Variants in SLC24A2 observed in about 807,000 individuals in gnomAD.
SLC24A2 encodes the protein sodium/potassium/calcium exchanger 2.
Under a neutral mutation model 62.0 loss-of-function variants are expected in SLC24A2, and 36 were observed. The ratio of observed to expected loss-of-function variants is 0.58; its 90% CI spans 0.44 to 0.77. The LOEUF is 0.77. Among genes scored for constraint, SLC24A2 ranks in the 30% least tolerant of loss-of-function variants. SLC24A2 has a pLI of 0.00. For synonymous variants in SLC24A2, 358 were observed against 294.0 expected (o/e 1.22, Z -2.23); for missense variants, 846 against 817.9 (o/e 1.03, Z -0.42).
At chr9:20,055,593 C>A in the SLC24A2 span, among the ~76,000 whole-genome samples, 4 of 151,978 alleles carry the variant, frequency 2.6e-5, no homozygotes, top group African/African-American at 9.6e-5. Context: ...AGGATTTGAA[C>A]TTAGACATAC....
the SLC24A2 span, among the ~76,000 whole-genome samples, chr9:19,853,273 T>A: frequency 3.3e-5 from 5 of 152,196 alleles, no homozygotes; most frequent in African/African-American, 1.2e-4. Flanking sequence ...TTTGACTTTC[T>A]CTCTTCTTAT....
intron 1 of SLC24A2, 45 bp from the exon 2 acceptor site, chr9:19,787,064 G>T: frequency 7.5e-7 from 1 of 1,325,776 alleles, no homozygotes; most frequent in Non-Finnish European, 9.8e-7. Context: ...ATAAAATCAC[G>T]TCTTTTTAAT....
At chr9:19,567,729 C>G (rs1835715288) in intron 7 of SLC24A2, among the ~76,000 whole-genome samples, 1 of 149,966 alleles carries the variant, frequency 6.7e-6, no homozygotes, top group African/African-American at 2.5e-5. Context: ...GATAAATTCT[C>G]AGTGGCATCC....
chr9:19,767,225 T>G (rs1822543606), intron 2 of SLC24A2, among the ~76,000 whole-genome samples: 1 of 152,226 alleles, frequency 6.6e-6, no homozygotes, highest in Admixed American at 6.5e-5. Context: ...CTTAGCTTGC[T>G]GGGTTCCATG....
At chr9:19,580,010 C>T (rs959032205) in intron 5 of SLC24A2, among the ~76,000 whole-genome samples, 5 of 152,228 alleles carry the variant, frequency 3.3e-5, no homozygotes, top group African/African-American at 1.2e-4. Flanking sequence ...AAATATCTTA[C>T]AGGCCAGTGA....
chr9:20,185,120 A>G, the SLC24A2 span, among the ~76,000 whole-genome samples: 1 of 152,130 alleles, frequency 6.6e-6, no homozygotes, highest in Non-Finnish European at 1.5e-5. Context: ...TGTTGGTCAA[A>G]GGATACAAAA....
chr9:20,203,456 G>A, the SLC24A2 span, among the ~76,000 whole-genome samples: 1 of 152,150 alleles, frequency 6.6e-6, no homozygotes, highest in East Asian at 1.9e-4. Context: ...GGTGAACTCA[G>A]GCAAGCCGCT....
chr9:19,867,152 G>A, the SLC24A2 span, among the ~76,000 whole-genome samples: 2 of 152,006 alleles, frequency 1.3e-5, no homozygotes, highest in African/African-American at 4.8e-5. Flanking sequence ...TGCATTGCAT[G>A]CCTGTATCAA....
the SLC24A2 span, among the ~76,000 whole-genome samples, chr9:19,809,555 T>C: frequency 2.0e-5 from 3 of 152,134 alleles, no homozygotes; most frequent in Non-Finnish European, 2.9e-5. Context: ...AAAATCGAGC[T>C]GCAGACATAG....
the SLC24A2 span, among the ~76,000 whole-genome samples, chr9:20,224,540 A>G: frequency 6.6e-6 from 1 of 152,016 alleles, no homozygotes; most frequent in Non-Finnish European, 1.5e-5. Context: ...CCATTTGGTT[A>G]TATCTGCTAT....
chr9:20,018,925 A>C, the SLC24A2 span, among the ~76,000 whole-genome samples: 18 of 151,922 alleles, frequency 1.2e-4, no homozygotes, highest in Non-Finnish European at 1.9e-4. Context: ...TTAGCCAGGC[A>C]TGGTGGTGTG....
At chr9:19,541,384 G>C (rs996469412) in intron 8 of SLC24A2, among the ~76,000 whole-genome samples, 2 of 151,768 alleles carry the variant, frequency 1.3e-5, no homozygotes, top group Non-Finnish European at 2.9e-5. Flanking sequence ...ATGGGTTTTC[G>C]GTGTAGATGT....
chr9:20,283,750 AAG>A, the SLC24A2 span, among the ~76,000 whole-genome samples: 1,234 of 123,280 alleles, frequency 0.01, 14 homozygotes, highest in African/African-American at 0.033. Flanking sequence ...GAGAAAAAAA[AAG>A]GGGGGGGGGG....
the SLC24A2 span, among the ~76,000 whole-genome samples, chr9:19,912,591 C>A: frequency 4.6e-5 from 7 of 152,098 alleles, no homozygotes; most frequent in African/African-American, 1.7e-4. Context: ...CTTGGTCACA[C>A]ATTTCTTGCT....
chr9:20,079,032 T>C, the SLC24A2 span, among the ~76,000 whole-genome samples: 52 of 143,174 alleles, frequency 3.6e-4, no homozygotes, highest in Non-Finnish European at 6.5e-4. Context: ...AGAAAAAGAG[T>C]CTTTGCAGAT....
At chr9:20,048,895 CT>C in the SLC24A2 span, among the ~76,000 whole-genome samples, 4 of 151,448 alleles carry the variant, frequency 2.6e-5, no homozygotes, top group East Asian at 1.9e-4. Flanking sequence ...CTTCTTTCCG[CT>C]TTTTTTCCTT....
the SLC24A2 span, among the ~76,000 whole-genome samples, chr9:20,275,320 T>C: frequency 2.0e-5 from 3 of 152,136 alleles, no homozygotes; most frequent in Non-Finnish European, 2.9e-5. Context: ...GCCAGAGCAC[T>C]TGCAAGAAAA....
At chr9:19,776,251 C>A (rs950775208) in intron 2 of SLC24A2, among the ~76,000 whole-genome samples, 6 of 152,196 alleles carry the variant, frequency 3.9e-5, no homozygotes, top group African/African-American at 2.4e-5. Flanking sequence ...GAGAAGCACT[C>A]AGGTACAAGA....
At chr9:20,102,918 G>A in the SLC24A2 span, among the ~76,000 whole-genome samples, 1 of 152,152 alleles carries the variant, frequency 6.6e-6, no homozygotes. Context: ...GGAAGCTCAA[G>A]GGATCAGGGA....
Sources: gnomAD v4.1 joint callset for allele counts (sites outside exome capture counted in the v4.1 genomes callset) on GRCh38, gnomAD v4.1.1 for gene constraint, MANE v1.5 for transcripts, NCBI Gene and HGNC (gene_info 2026-07-23, HGNC 2026-07-21) for gene names.